Variants in ELAPOR1 observed in about 807,000 individuals in gnomAD.
ELAPOR1 encodes the protein endosome-lysosome associated apoptosis and autophagy regulator 1, also known as endosome/lysosome-associated apoptosis and autophagy regulator 1.
Under a neutral mutation model 119.7 loss-of-function variants are expected in ELAPOR1, and 77 were observed. The observed-to-expected ratio is 0.64, with a 90% CI of 0.54 to 0.78. ELAPOR1 has a LOEUF of 0.78. Ranked by LOEUF, ELAPOR1 falls within the 30% of genes least tolerant of loss-of-function variation. The pLI is 0.00. For synonymous variants in ELAPOR1, 481 were observed against 487.2 expected (o/e 0.99, Z 0.17); for missense variants, 1,115 against 1,270.4 (o/e 0.88, Z 1.86).
chr1:109,139,907 G>C (rs969834634), intron 1 of ELAPOR1, among the ~76,000 whole-genome samples: 1 of 151,998 alleles, frequency 6.6e-6, no homozygotes, highest in East Asian at 1.9e-4. Context: ...AAGTAGCTGG[G>C]ACCACAGGTG....
At chr1:109,166,952 C>T (rs1269186852) in intron 3 of ELAPOR1, among the ~76,000 whole-genome samples, 2 of 152,178 alleles carry the variant, frequency 1.3e-5, no homozygotes, top group African/African-American at 4.8e-5. Context: ...TAAATCTTGT[C>T]TAAGCCAAGC....
At chr1:109,115,939 C>G (rs554595075) in intron 1 of ELAPOR1, among the ~76,000 whole-genome samples, 32 of 152,198 alleles carry the variant, frequency 2.1e-4, no homozygotes, top group Non-Finnish European at 4.0e-4. Context: ...TCTAACCAAC[C>G]AAAATAATGA....
chr1:109,195,353 G>T (rs1653720321), intron 15 of ELAPOR1, among the ~76,000 whole-genome samples: 4 of 152,102 alleles, frequency 2.6e-5, no homozygotes, highest in Admixed American at 2.6e-4. Flanking sequence ...AATTAGCCGG[G>T]CGTGGTGGCG....
intron 1 of ELAPOR1, among the ~76,000 whole-genome samples, chr1:109,123,472 C>T (rs1399612889): frequency 6.6e-6 from 1 of 152,156 alleles, no homozygotes; most frequent in African/African-American, 2.4e-5. Flanking sequence ...TAGATCACTG[C>T]TTTGGGAATG....
intron 1 of ELAPOR1, among the ~76,000 whole-genome samples, chr1:109,146,529 G>T (rs1467313910): frequency 6.6e-6 from 1 of 152,198 alleles, no homozygotes; most frequent in African/African-American, 2.4e-5. Context: ...GGAGGCTGGA[G>T]GGTGTAGGAA....
Position 109,206,265 on chromosome 1 carries a change from T to TCGG in ELAPOR1, c.*3255_*3257dup, listed in dbSNP as rs1261395264. On this transcript the variant is annotated 3_prime_UTR_variant, in exon 22 of 22. Transcript: ENST00000369939. Reference sequence around the variant, plus strand: ...CCTGGACTCAAGTGATCCACCCACCTCGGCCTCCCAAAGTGCTGGGATTAC... The same window carrying TCGG: ...CCTGGACTCAAGTGATCCACCCACCTCGGCGGCCTCCCAAAGTGCTGGGATTAC... The TCGG allele has an allele frequency of 6.6e-6, 1 of 152,234 alleles. No individual in the cohort carries two copies. The highest frequency in any genetic ancestry group is 2.4e-5 in the African/African-American group (1 of 41,454). The allele number at this position is 152,234 out of a possible 1,614,324, so 9.4% of individuals were successfully genotyped here.
chr1:109,171,782 C>G, intron 3 of ELAPOR1, 84 bp from the exon 4 acceptor site: 1 of 1,394,154 alleles, frequency 7.2e-7, no homozygotes, highest in Non-Finnish European at 9.8e-7. Flanking sequence ...TCCCAAAGAC[C>G]CAGCAGAACA....
At chr1:109,169,584 G>T (rs774004976) in intron 3 of ELAPOR1, among the ~76,000 whole-genome samples, 1 of 152,130 alleles carries the variant, frequency 6.6e-6, no homozygotes, top group African/African-American at 2.4e-5. Flanking sequence ...AACCTGGGCT[G>T]GTCTCAGGCA....
intron 1 of ELAPOR1, among the ~76,000 whole-genome samples, chr1:109,139,047 C>T (rs919047701): frequency 6.6e-6 from 1 of 152,002 alleles, no homozygotes; most frequent in Non-Finnish European, 1.5e-5. Context: ...TGCCTTGGAA[C>T]TTACTACTAA....
Position 109,192,618 on chromosome 1 carries a change from A to G in ELAPOR1, c.1691A>G (p.Lys564Arg), listed in dbSNP as rs760280504. Residue 564 changes from lysine (K) to arginine (R), a missense_variant, in exon 14 of 22, where the codon AAG becomes AGG. Transcript: ENST00000369939. ...TTGTTTCCTTGTCTCCAGAGCAGGA[A>G]GTACACCAATGACGTTGCCAAGATC... ...QRTTFHEASR[K>R]YTNDVAKIYS... is the part of the protein sequence containing the mutation. The G allele has an allele frequency of 1.9e-6, 3 of 1,613,932 alleles. No homozygotes were observed. Among genetic ancestry groups the G allele is most frequent in the Non-Finnish European group, 2.5e-6 (3 of 1,179,958 alleles).
intron 1 of ELAPOR1, among the ~76,000 whole-genome samples, chr1:109,118,521 A>T (rs1351443657): frequency 6.6e-6 from 1 of 152,182 alleles, no homozygotes; most frequent in Admixed American, 6.5e-5. Flanking sequence ...AATACTGAAG[A>T]TATTACTGAA....
intron 1 of ELAPOR1, among the ~76,000 whole-genome samples, chr1:109,154,888 G>C (rs580771): frequency 0.27 from 41,414 of 152,122 alleles, 5,854 homozygotes; most frequent in Middle Eastern, 0.39. Context: ...TAGTCAGATC[G>C]GAGTTAGAGA....
At chr1:109,177,500 G>T (rs1652415884) in intron 7 of ELAPOR1, among the ~76,000 whole-genome samples, 1 of 113,800 alleles carries the variant, frequency 8.8e-6, no homozygotes, top group Non-Finnish European at 1.8e-5. Flanking sequence ...AGATGGGATG[G>T]CGGCCGGGAA....
chr1:109,159,304 G>A (rs1651096706), intron 1 of ELAPOR1, among the ~76,000 whole-genome samples: 1 of 152,168 alleles, frequency 6.6e-6, no homozygotes, highest in Non-Finnish European at 1.5e-5. Context: ...AAGTAAATGA[G>A]CATATATTGA....
Position 109,114,269 on chromosome 1 carries a change from T to C in ELAPOR1, c.86T>C (p.Leu29Pro). 1 of 1,600,016 alleles carries C rather than the reference T, an allele frequency of 6.2e-7. No individual in the cohort carries two copies. Among genetic ancestry groups the C allele is most frequent in the Non-Finnish European group, 8.5e-7 (1 of 1,173,568 alleles). ...ERRIPRLWRL[L>P]LWAGTAFQVT... ...CGCATACCCCGGCTGTGGCGGCTGCTGCTCTGGGCTGGGACCGCCTTCCAG... is the reference window on the plus strand; with the variant it reads ...CGCATACCCCGGCTGTGGCGGCTGCCGCTCTGGGCTGGGACCGCCTTCCAG... Residue 29 changes from leucine (L) to proline (P), a missense_variant, in exon 1 of 22, where the codon CTG becomes CCG. Coordinates refer to ENST00000369939, the MANE Select transcript of ELAPOR1 (RefSeq NM_020775.5).
intron 3 of ELAPOR1, among the ~76,000 whole-genome samples, 159 bp from the exon 4 acceptor site, chr1:109,171,707 T>A (rs1047360501): frequency 6.6e-6 from 1 of 152,204 alleles, no homozygotes; most frequent in Admixed American, 6.5e-5. Context: ...GAGAGCTTCT[T>A]TTGTCTTTCT....
intron 1 of ELAPOR1, among the ~76,000 whole-genome samples, chr1:109,142,754 A>G (rs1025371958): frequency 1.7e-4 from 26 of 152,218 alleles, no homozygotes; most frequent in African/African-American, 6.0e-4. Flanking sequence ...TTCCTCAAAA[A>G]GTTAAACATA....
intron 1 of ELAPOR1, among the ~76,000 whole-genome samples, chr1:109,133,229 C>T (rs1649258412): frequency 6.7e-6 from 1 of 149,856 alleles, no homozygotes; most frequent in African/African-American, 2.5e-5. Context: ...GACCTTGTCT[C>T]AAAGAAAAAA....
chr1:109,136,151 A>C (rs773364312), intron 1 of ELAPOR1, among the ~76,000 whole-genome samples: 1 of 152,218 alleles, frequency 6.6e-6, no homozygotes, highest in African/African-American at 2.4e-5. Flanking sequence ...TGTACCTTAG[A>C]GTACCCGCTG....
Sources: gnomAD v4.1 joint callset for allele counts (sites outside exome capture counted in the v4.1 genomes callset) on GRCh38, gnomAD v4.1.1 for gene constraint, MANE v1.5 for transcripts, NCBI Gene and HGNC (gene_info 2026-07-23, HGNC 2026-07-21) for gene names.